Variants in EVI5 observed in about 807,000 individuals in gnomAD.
The protein encoded by EVI5 is ecotropic viral integration site 5 protein homolog.
Under a neutral mutation model 112.0 loss-of-function variants are expected in EVI5, and 73 were observed. The observed-to-expected ratio is 0.65, with a 90% CI of 0.54 to 0.79. The LOEUF (loss-of-function observed/expected upper bound fraction) is 0.79, where lower values mean the gene tolerates loss of function less well. Among genes scored for constraint, EVI5 ranks in the 30% least tolerant of loss-of-function variants. The pLI is 0.00. For missense variants in EVI5, 900 were observed against 968.8 expected, an observed-to-expected ratio of 0.93 and a Z score of 0.94; for synonymous variants, 305 against 319.9, an observed-to-expected ratio of 0.95 and a Z score of 0.50.
At chr1:92,677,084 A>G in intron 10 of EVI5, 74 bp downstream of exon 10, 1 of 898,724 alleles carries the variant, frequency 1.1e-6, no homozygotes, top group African/African-American at 1.7e-5. Context: ...TATAAGAAGT[A>G]CAAACTTTAA....
At position 92,739,630 on chromosome 1, in the gene EVI5, G is replaced by A. The variant is rs548086072; in HGVS notation, c.-81-3003C>T. On this transcript the variant is annotated intron_variant, in intron 1 of 19. Transcript: ENST00000684568. ...TCAATTTTTTAAGTGTAGTAAAAGCGTTACATACTATTACAATAGTTGAAT... is the reference window on the plus strand; with the variant it reads ...TCAATTTTTTAAGTGTAGTAAAAGCATTACATACTATTACAATAGTTGAAT... Among the ~76,000 whole-genome samples, 19 of 152,118 alleles carry A rather than the reference G, an allele frequency of 1.2e-4. 2 individuals carry two copies. Among genetic ancestry groups the A allele is most frequent in the Admixed American group, 3.9e-4 (6 of 15,290 alleles).
intron 18 of EVI5, among the ~76,000 whole-genome samples, chr1:92,586,639 T>C (rs948797265): frequency 5.5e-5 from 8 of 144,566 alleles, no homozygotes; most frequent in African/African-American, 7.9e-5. Context: ...TGTGTGTGTG[T>C]GTGCATTTTG....
chr1:92,707,292 A>G (rs1672174251), intron 2 of EVI5, among the ~76,000 whole-genome samples: 1 of 152,062 alleles, frequency 6.6e-6, no homozygotes, highest in Admixed American at 6.5e-5. Context: ...AAATTGATTT[A>G]AAAACTGGAC....
At chr1:92,532,230 G>A (rs1438059070) in intron 19 of EVI5, among the ~76,000 whole-genome samples, 1 of 152,148 alleles carries the variant, frequency 6.6e-6, no homozygotes, top group East Asian at 1.9e-4. Context: ...AACAGGATAA[G>A]CTAACTATCC....
intron 18 of EVI5, among the ~76,000 whole-genome samples, chr1:92,566,375 G>A (rs964832845): frequency 6.6e-6 from 1 of 152,088 alleles, no homozygotes; most frequent in African/African-American, 2.4e-5. Context: ...TAAGAAATTC[G>A]TAATGCCTAG....
chr1:92,717,643 G>A (rs1206974572), intron 2 of EVI5, among the ~76,000 whole-genome samples: 2 of 152,082 alleles, frequency 1.3e-5, no homozygotes, highest in Non-Finnish European at 2.9e-5. Context: ...CAATTAACGG[G>A]CAAAATAACC....
rs147029470 is a variant in EVI5 at position 92,717,809 on chromosome 1, G to A, written c.150-13065C>T. Among the ~76,000 whole-genome samples the A allele has an allele frequency of 2.6e-5, 4 of 151,964 alleles. No individual in the cohort carries two copies. The East Asian group carries it at 7.7e-4, about 29-fold the overall frequency. ...TGTATTCAGAAGATCCATCTCACGT[G>A]CAAAGACGCACATAGGCTCAAAATA... On this transcript the variant is annotated intron_variant, in intron 2 of 19. Coordinates refer to ENST00000684568, the MANE Select transcript of EVI5 (RefSeq NM_001350197.2).
intron 2 of EVI5, among the ~76,000 whole-genome samples, chr1:92,716,362 C>A (rs928822010): frequency 2.6e-5 from 4 of 152,120 alleles, no homozygotes; most frequent in Non-Finnish European, 5.9e-5. Flanking sequence ...TTCCAACAGA[C>A]CTGAAACTGA....
chr1:92,678,819 G>C (rs1461209843), intron 9 of EVI5, among the ~76,000 whole-genome samples: 1 of 152,080 alleles, frequency 6.6e-6, no homozygotes, highest in Non-Finnish European at 1.5e-5. Context: ...TCAAAGGACA[G>C]AAATCTATTA....
intron 13 of EVI5, among the ~76,000 whole-genome samples, chr1:92,650,819 T>C (rs904268303): frequency 7.9e-5 from 12 of 152,210 alleles, no homozygotes; most frequent in Non-Finnish European, 1.3e-4. Context: ...TAAATATACA[T>C]TTTACTGTTC....
intron 16 of EVI5, among the ~76,000 whole-genome samples, chr1:92,614,069 T>C (rs1233489822): frequency 6.6e-6 from 1 of 152,212 alleles, no homozygotes; most frequent in African/African-American, 2.4e-5. Flanking sequence ...AAGGTATTAC[T>C]AAGGGAAAAA....
chr1:92,624,124 C>T (rs1040168732), intron 16 of EVI5, 52 bp downstream of exon 16: 2 of 1,470,322 alleles, frequency 1.4e-6, no homozygotes, highest in Non-Finnish European at 1.9e-6. Context: ...TGTGCACAAA[C>T]CCTTGATCAG....
intron 16 of EVI5, among the ~76,000 whole-genome samples, chr1:92,622,952 G>C (rs1557923237): frequency 6.6e-6 from 1 of 152,270 alleles, no homozygotes; most frequent in South Asian, 2.1e-4. Context: ...GATTTCTCAA[G>C]TGTAAGTCCT....
At chr1:92,766,831 C>T (rs1219132978) in intron 1 of EVI5, among the ~76,000 whole-genome samples, 2 of 152,146 alleles carry the variant, frequency 1.3e-5, no homozygotes, top group African/African-American at 4.8e-5. Flanking sequence ...CCTATAATCC[C>T]AGCACTTTGG....
intron 1 of EVI5, among the ~76,000 whole-genome samples, chr1:92,755,278 G>A (rs1680786498): frequency 6.6e-6 from 1 of 151,834 alleles, no homozygotes; most frequent in Non-Finnish European, 1.5e-5. Flanking sequence ...GACGTGGGTG[G>A]CACACACCTG....
chr1:92,770,070 A>T (rs1343900035), intron 1 of EVI5, among the ~76,000 whole-genome samples: 1 of 152,168 alleles, frequency 6.6e-6, no homozygotes, highest in South Asian at 2.1e-4. Context: ...CAAAGTAAGG[A>T]ATACAAGGAA....
chr1:92,738,668 A>G (rs1428451444), intron 1 of EVI5, among the ~76,000 whole-genome samples: 4 of 152,214 alleles, frequency 2.6e-5, no homozygotes, highest in Admixed American at 2.0e-4. Flanking sequence ...TATAACTACT[A>G]AAGACTGAAC....
intron 19 of EVI5, among the ~76,000 whole-genome samples, chr1:92,532,796 G>C (rs148205980): frequency 1.1e-4 from 17 of 152,242 alleles, no homozygotes; most frequent in Non-Finnish European, 2.2e-4. Context: ...TGTGTAGAGG[G>C]AAATTTATAG....
intron 1 of EVI5, among the ~76,000 whole-genome samples, chr1:92,767,082 CAAAAAA>C (rs35316799): frequency 5.3e-5 from 6 of 113,236 alleles, no homozygotes; most frequent in African/African-American, 1.7e-4. Context: ...GACTCCCTCT[CAAAAAA>C]AAAAAAAAAA....
Sources: allele counts gnomAD v4.1 joint callset (sites outside exome capture counted in the v4.1 genomes callset), GRCh38; gene constraint gnomAD v4.1.1; transcripts MANE v1.5; gene names NCBI Gene and HGNC (gene_info 2026-07-23, HGNC 2026-07-21).